EPHA2: variants seen among roughly 807,000 people sequenced by gnomAD.
EPHA2 encodes EPH receptor A2, also known as ephrin type-A receptor 2.
Under a neutral mutation model 104.9 loss-of-function variants are expected in EPHA2, and 54 were observed. The observed-to-expected ratio is 0.51, with a 90% CI of 0.41 to 0.65. The LOEUF (loss-of-function observed/expected upper bound fraction) is 0.65, where lower values mean the gene tolerates loss of function less well. EPHA2 is among the 30% of genes least tolerant of loss of function. EPHA2 has a pLI of 0.00. For missense variants in EPHA2, 1,117 were observed against 1,369.5 expected (o/e 0.82, Z 2.91); for synonymous variants, 560 against 559.1 (o/e 1.00, Z -0.02).
In EPHA2 at chr1:16,125,850, C is replaced by G. The variant is rs1188022348; in HGVS notation, c.2826-530G>C. Among the ~76,000 whole-genome samples the G allele has an allele frequency of 6.6e-6, 1 of 152,158 alleles. No individual in the cohort carries two copies. Among genetic ancestry groups the G allele is most frequent in the Non-Finnish European group, 1.5e-5 (1 of 68,032 alleles). On this transcript the variant is annotated intron_variant, in intron 16 of 16. Transcript: ENST00000358432. This position sits in a 1 kb window ranked among gnomAD's most constrained non-coding sequence, Gnocchi z 4.9. ...TCTCTAGGGATGTCGCTCAAAGCCT[C>G]TCTGCCCAAGGTCTCTTCCCACCTG...
intron 1 of EPHA2, among the ~76,000 whole-genome samples, chr1:16,153,914 C>T (rs1223231944): frequency 1.3e-5 from 2 of 152,008 alleles, no homozygotes; most frequent in African/African-American, 4.8e-5. Flanking sequence ...CCCACCCCCA[C>T]CTAGGCACAC....
intron 16 of EPHA2, among the ~76,000 whole-genome samples, chr1:16,127,520 G>A (rs1341635267): frequency 1.3e-5 from 2 of 152,160 alleles, no homozygotes; most frequent in South Asian, 2.1e-4. Context: ...GGCTGAGAAG[G>A]GGAGGAGGTG....
rs1377062680 is a variant in EPHA2, at chr1:16,134,434, C to A, written c.1682+34G>T. ...TTCCTGCCCCATTTTCCCACCCAAG[C>A]CCATGTGGAGCCAGGGTATGGGCTC... On this transcript the variant is annotated intron_variant, in intron 8 of 16. Coordinates refer to ENST00000358432, the MANE Select transcript of EPHA2 (RefSeq NM_004431.5). The surrounding 1 kb of genome is among the most constrained non-coding windows in gnomAD (Gnocchi z 4.5). 1 of 1,609,296 alleles carries A rather than the reference C, an allele frequency of 6.2e-7. No homozygotes were observed. Among genetic ancestry groups the A allele is most frequent in the South Asian group, 1.1e-5 (1 of 90,918 alleles).
chr1:16,134,902 A>T lies in EPHA2; in HGVS notation c.1582+134T>A. The T allele has an allele frequency of 3.5e-6, 5 of 1,428,420 alleles. No homozygotes were observed. In the South Asian group the frequency reaches 6.4e-5, roughly 18 times the overall value. The allele number at this position is 1,428,420 out of a possible 1,614,324, so 88.5% of individuals were successfully genotyped here. On this transcript the variant is annotated intron_variant, in intron 7 of 16. Coordinates refer to ENST00000358432, the MANE Select transcript of EPHA2 (RefSeq NM_004431.5). The surrounding 1 kb of genome is among the most constrained non-coding windows in gnomAD (Gnocchi z 4.5). ...TCCCCAGGCTTGGGGGCAGTCCCCG[A>T]AGGGCTGTCCCAGGCCGCCGGTGAC... is the stretch of plus-strand genomic sequence containing the variant.
rs2124262727 is a variant in EPHA2, at chr1:16,148,724, G to A, written c.477C>T (p.Arg159=). The stretch of plus-strand genomic sequence containing the variant: ...GCTCCTCCACGTTCAGCTTCACGTG[G>A]CGTGCCTCGAAGTCGCTGCTGACGG... ...EITVSSDFEA[R]HVKLNVEERS... is the part of the protein sequence containing the mutation. Residue 159 remains arginine (R), a synonymous_variant, in exon 3 of 17, where the codon CGC becomes CGT. Transcript: ENST00000358432. This position sits in a 1 kb window ranked among gnomAD's most constrained non-coding sequence, Gnocchi z 4.9. 2 of 1,613,644 alleles carry A rather than the reference G, an allele frequency of 1.2e-6. No homozygotes were observed. The highest frequency in any genetic ancestry group is 1.7e-6 in the Non-Finnish European group (2 of 1,180,046).
At chr1:16,155,112 G>T (rs2124280473) in intron 1 of EPHA2, 1 of 152,256 alleles carries the variant, frequency 6.6e-6, no homozygotes, top group Middle Eastern at 3.4e-3. Flanking sequence ...TGGTGGCCCT[G>T]GGCTGACAGC....
In EPHA2 at chr1:16,124,477, AT is replaced by A. The variant is rs1383711796; in HGVS notation, c.*737del. On this transcript the variant is annotated 3_prime_UTR_variant, in exon 17 of 17. Coordinates refer to ENST00000358432, the MANE Select transcript of EPHA2 (RefSeq NM_004431.5). The stretch of plus-strand genomic sequence containing the variant: ...TTTAACACTGACAGAATAGAAACTT[AT>A]CCAAAAGGATGAGAGATGGGGCCGA... The A allele has an allele frequency of 6.6e-6, 1 of 152,546 alleles. No individual in the cohort carries two copies. Among genetic ancestry groups the A allele is most frequent in the Non-Finnish European group, 1.5e-5 (1 of 68,048 alleles). The allele number at this position is 152,546 out of a possible 1,614,324, so 9.4% of individuals were successfully genotyped here.
Position 16,133,889 on chromosome 1 carries a change from G to T in EPHA2, c.1709C>A (p.Ser570Tyr). ...RRRKNQRARQ[S>Y]PEDVYFSKSE... ...CTTGGAGAAGTAAACGTCCTCCGGGGACTGGCGGGCACGCTGGTTCTTCCT... is the reference window on the plus strand; with the variant it reads ...CTTGGAGAAGTAAACGTCCTCCGGGTACTGGCGGGCACGCTGGTTCTTCCT... The change falls in exon 9 of 17, where the codon TCC (serine) becomes TAC (tyrosine). Residue 570 changes from serine to tyrosine, a missense_variant. Around this residue, in one of 3 missense-constraint regions of EPHA2, gnomAD observed 113 missense variants for 104.3 expected, o/e 1.08. Transcript: ENST00000358432. The T allele has an allele frequency of 6.4e-7, 1 of 1,550,622 alleles. No homozygotes were observed. Among genetic ancestry groups the T allele is most frequent in the East Asian group, 2.4e-5 (1 of 40,906 alleles).
rs941071178 is a variant in EPHA2 at position 16,130,090 on chromosome 1, G to A, written c.2669+136C>T. ...TCCTGGGCCATCGTGTCCAGTCTAA[G>A]TCAAGTCCACACATAACCTCTTAGC... On this transcript the variant is annotated intron_variant, in intron 15 of 16. Coordinates refer to ENST00000358432, the MANE Select transcript of EPHA2 (RefSeq NM_004431.5). The surrounding 1 kb of genome is among the most constrained non-coding windows in gnomAD (Gnocchi z 4.5). 7 of 1,210,998 alleles carry A rather than the reference G, an allele frequency of 5.8e-6. No homozygotes were observed. In the African/African-American group the frequency reaches 6.0e-5, roughly 10 times the overall value. 75.0% of individuals were successfully genotyped at this position (1,210,998 alleles called of 1,614,324 possible).
chr1:16,129,422 GGCCT>G lies in EPHA2; in HGVS notation c.2825+8_2825+11del. On this transcript the variant is annotated splice_region_variant and intron_variant, in intron 16 of 16. Transcript: ENST00000358432. ...CGGGAGGCGAGGGGGGACGGAAAGG[GGCCT>G]GACTTACTCGTTGGTCATCTGCACC... The G allele has an allele frequency of 6.2e-7, 1 of 1,612,070 alleles. No individual in the cohort carries two copies. Among genetic ancestry groups the G allele is most frequent in the Non-Finnish European group, 8.5e-7 (1 of 1,179,944 alleles).
chr1:16,130,077 G>A lies in EPHA2; in HGVS notation c.2669+149C>T, dbSNP rs373971790. ...TTCTATTAGGATTTCCTGGGCCATC[G>A]TGTCCAGTCTAAGTCAAGTCCACAC... On this transcript the variant is annotated intron_variant, in intron 15 of 16. Coordinates refer to ENST00000358432, the MANE Select transcript of EPHA2 (RefSeq NM_004431.5). This position sits in a 1 kb window ranked among gnomAD's most constrained non-coding sequence, Gnocchi z 4.5. 220 of 1,049,798 alleles carry A rather than the reference G, an allele frequency of 2.1e-4. No individual in the cohort carries two copies. The East Asian group carries it at 3.4e-3, about 16-fold the overall frequency. The allele number at this position is 1,049,798 out of a possible 1,614,324, so 65.0% of individuals were successfully genotyped here.
Position 16,135,068 on chromosome 1 carries a change from G to T in EPHA2, c.1550C>A (p.Ala517Asp). The T allele has an allele frequency of 6.2e-7, 1 of 1,613,504 alleles. No homozygotes were observed. The change falls in exon 7 of 17, where the codon GCC becomes GAC. Residue 517 changes from alanine (A) to aspartate (D), a missense_variant. By Grantham distance (126) the Ala-to-Asp change is moderately radical (BLOSUM62 -2). Coordinates refer to ENST00000358432, the MANE Select transcript of EPHA2 (RefSeq NM_004431.5). This position sits in a 1 kb window ranked among gnomAD's most constrained non-coding sequence, Gnocchi z 4.3. Reference protein sequence around the residue: ...VQALTQEGQGAGSKVHEFQTL... With the variant: ...VQALTQEGQGDGSKVHEFQTL... ...CTGGAATTCGTGCACCTTGCTGCCG[G>T]CCCCCTGGCCCTCCTGCGTCAGTGC... is the stretch of plus-strand genomic sequence containing the variant.
chr1:16,138,334 C>T lies in EPHA2; in HGVS notation c.920G>A (p.Cys307Tyr). Residue 307 changes from cysteine (C) to tyrosine (Y), a missense_variant, in exon 4 of 17, where the codon TGC (cysteine) becomes TAC (tyrosine). By Grantham distance (194) the Cys-to-Tyr change is radical. This residue lies in a region of EPHA2 where 664 missense variants were observed against 784.8 expected (regional missense o/e 0.85). Transcript: ENST00000358432. The stretch of plus-strand genomic sequence containing the variant: ...CCGGAAGAAGCCTTCCTCACACTCG[C>T]AGGAGGTGGCACCCTCAGGGGATGG... ...TLPSPEGATS[C>Y]ECEEGFFRAP... 6.2e-7 allele frequency: 1 copy of T among 1,613,864 alleles called. No individual in the cohort carries two copies. Among genetic ancestry groups the T allele is most frequent in the Non-Finnish European group, 8.5e-7 (1 of 1,179,968 alleles).
At chr1:16,142,933 G>A (rs933609272) in intron 3 of EPHA2, among the ~76,000 whole-genome samples, 2 of 138,082 alleles carry the variant, frequency 1.4e-5, no homozygotes, top group South Asian at 2.6e-4. Flanking sequence ...TGGATGAGTA[G>A]ATGGATGGAT....
rs1266433828 is a variant in EPHA2 at position 16,148,586 on chromosome 1, C to T, written c.615G>A (p.Leu205=). 1 of 1,610,982 alleles carries T rather than the reference C, an allele frequency of 6.2e-7. No individual in the cohort carries two copies. The highest frequency in any genetic ancestry group is 1.1e-5 in the South Asian group (1 of 91,086). The part of the protein sequence containing the change: ...RVYYKKCPEL[L]QGLAHFPETI... Reference sequence around the variant, plus strand: ...TCTCAGGGAAGTGGGCCAGGCCCTGCAGCAGCTCGGGGCACTTCTTGTAGT... The same window carrying T: ...TCTCAGGGAAGTGGGCCAGGCCCTGTAGCAGCTCGGGGCACTTCTTGTAGT... Residue 205 remains leucine (L), a synonymous_variant, in exon 3 of 17, where the codon CTG becomes CTA. Transcript: ENST00000358432. The surrounding 1 kb of genome is among the most constrained non-coding windows in gnomAD (Gnocchi z 4.9).
At position 16,148,741 on chromosome 1, in the gene EPHA2, T is replaced by C; in HGVS notation, c.460A>G (p.Ser154Gly). The C allele has an allele frequency of 3.1e-6, 5 of 1,614,004 alleles. No individual in the cohort carries two copies. Among genetic ancestry groups the C allele is most frequent in the Non-Finnish European group, 4.2e-6 (5 of 1,180,040 alleles). Residue 154 changes from serine to glycine, a missense_variant, in exon 3 of 17, where the codon AGC becomes GGC. By Grantham distance (56) the Ser-to-Gly change is moderately conservative. Coordinates refer to ENST00000358432, the MANE Select transcript of EPHA2 (RefSeq NM_004431.5). This position sits in a 1 kb window ranked among gnomAD's most constrained non-coding sequence, Gnocchi z 4.9. Reference protein sequence around the residue: ...TIAPDEITVSSDFEARHVKLN... With the variant: ...TIAPDEITVSGDFEARHVKLN... Reference sequence around the variant, plus strand: ...TTCACGTGGCGTGCCTCGAAGTCGCTGCTGACGGTGATCTCATCGGGCGCA... The same window carrying C: ...TTCACGTGGCGTGCCTCGAAGTCGCCGCTGACGGTGATCTCATCGGGCGCA...
At position 16,130,130 on chromosome 1, in the gene EPHA2, C is replaced by CT. The variant is rs1234196576; in HGVS notation, c.2669+95dup. On this transcript the variant is annotated intron_variant, in intron 15 of 16. Transcript: ENST00000358432. This position sits in a 1 kb window ranked among gnomAD's most constrained non-coding sequence, Gnocchi z 4.5. ...AACCTCTTAGCCCCCAGCACCCCCC[C>CT]TACCAGCTTCACCTGGGTGGCCACT... The CT allele has an allele frequency of 3.2e-6, 5 of 1,545,492 alleles. No homozygotes were observed. In the East Asian group the frequency reaches 1.1e-4, roughly 35 times the overall value.
intron 1 of EPHA2, chr1:16,153,243 C>T (rs2025078168): frequency 1.0e-6 from 1 of 985,332 alleles, no homozygotes; most frequent in African/African-American, 1.7e-5. Context: ...GACTGCCACC[C>T]ACTCCCGGTC....
rs200242043 is a variant in EPHA2, at chr1:16,148,685, C to T, written c.516G>A (p.Pro172=). ...KLNVEERSVG[P]LTRKGFYLAF... is the part of the protein sequence containing the mutation. ...CCAGGTAGAAGCCTTTGCGGGTGAG[C>T]GGCCCCACGGAGCGCTCCTCCACGT... The change falls in exon 3 of 17, where the codon CCG becomes CCA. Residue 172 remains proline, a synonymous_variant. Transcript: ENST00000358432. The surrounding 1 kb of genome is among the most constrained non-coding windows in gnomAD (Gnocchi z 4.9). The T allele has an allele frequency of 1.6e-5, 25 of 1,611,342 alleles. No homozygotes were observed. The highest frequency in any genetic ancestry group is 2.2e-5 in the East Asian group (1 of 44,892).
Sources: gnomAD v4.1 joint callset for allele counts (sites outside exome capture counted in the v4.1 genomes callset) on GRCh38, gnomAD v4.1.1 for gene constraint, gnomAD v4.1.1 regional missense constraint, Gnocchi (gnomAD v3.1) non-coding constraint, MANE v1.5 for transcripts, NCBI Gene and HGNC (gene_info 2026-07-23, HGNC 2026-07-21) for gene names.